The following CCDC77 variants were observed in gnomAD, a reference collection of about 807,000 sequenced individuals.
The protein encoded by CCDC77 is coiled-coil domain containing 77.
A neutral mutation model predicts 66.8 loss-of-function variants in CCDC77; 56 were observed. The ratio of observed to expected loss-of-function variants is 0.84; its 90% CI spans 0.68 to 1.05. The LOEUF (loss-of-function observed/expected upper bound fraction) is 1.05, where lower values mean the gene tolerates loss of function less well. Ranked by LOEUF, CCDC77 falls within the 50% of genes least tolerant of loss-of-function variation. The probability of loss-of-function intolerance (pLI) is 0.00; values close to 1 mark genes in which losing one functional copy is unlikely to be tolerated. For synonymous variants in CCDC77, 196 were observed against 195.2 expected, an observed-to-expected ratio of 1.00 and a Z score of -0.03; for missense variants, 570 against 576.8, an observed-to-expected ratio of 0.99 and a Z score of 0.12.
intron 5 of CCDC77, among the ~76,000 whole-genome samples, chr12:425,228 G>T (rs79434986): frequency 7.4e-5 from 11 of 149,424 alleles, no homozygotes. Context: ...ACCGCACCCA[G>T]CCTCGCCACG....
chr12:392,746 C>CAA (rs753652065), intron 1 of CCDC77, among the ~76,000 whole-genome samples: 4 of 143,482 alleles, frequency 2.8e-5, no homozygotes, highest in African/African-American at 7.5e-5. Flanking sequence ...CTCTGTCTCA[C>CAA]AAAAAAAAAA....
upstream of CCDC77, among the ~76,000 whole-genome samples, chr12:397,145 G>A (rs375745818): frequency 3.1e-4 from 47 of 152,076 alleles, no homozygotes; most frequent in East Asian, 9.7e-4. Flanking sequence ...AGGCTGAGGC[G>A]GGTGGATCAC....
At chr12:415,875 G>A (rs566370105) in intron 4 of CCDC77, among the ~76,000 whole-genome samples, 30 of 151,564 alleles carry the variant, frequency 2.0e-4, no homozygotes, top group African/African-American at 7.0e-4. Context: ...GCACAATCTC[G>A]GCTCACTACA....
chr12:436,976 A>G (rs954626048), intron 9 of CCDC77, among the ~76,000 whole-genome samples: 2 of 152,220 alleles, frequency 1.3e-5, no homozygotes, highest in African/African-American at 2.4e-5. Flanking sequence ...CTACATACAC[A>G]TGCACACATA....
chr12:408,068 T>C (rs950879546), intron 2 of CCDC77, among the ~76,000 whole-genome samples: 1 of 152,178 alleles, frequency 6.6e-6, no homozygotes, highest in Non-Finnish European at 1.5e-5. Flanking sequence ...ATTACAGGCA[T>C]GAGCCACCGC....
chr12:419,531 G>A (rs61919600), intron 5 of CCDC77, among the ~76,000 whole-genome samples: 7 of 30,796 alleles, frequency 2.3e-4, no homozygotes, highest in Admixed American at 4.1e-4. Flanking sequence ...GAGTGAGAGG[G>A]TAAACACACA....
chr12:442,067 C>A lies in CCDC77; in HGVS notation c.*147C>A. The A allele has an allele frequency of 1.2e-6, 1 of 831,468 alleles. No individual in the cohort carries two copies. Among genetic ancestry groups the A allele is most frequent in the Non-Finnish European group, 1.9e-6 (1 of 528,340 alleles). 51.5% of individuals were successfully genotyped at this position (831,468 alleles called of 1,614,324 possible). Reference sequence around the variant, plus strand: ...TAAAGACAGCTTGAAGAATCGGGGACCACTAGGAAAGCTTTTCTTGCATAC... The same window carrying A: ...TAAAGACAGCTTGAAGAATCGGGGAACACTAGGAAAGCTTTTCTTGCATAC... On this transcript the variant is annotated 3_prime_UTR_variant, in exon 13 of 13. Transcript: ENST00000239830.
At position 423,308 on chromosome 12, in the gene CCDC77, A is replaced by ATATAT. The variant is rs1555145531; in HGVS notation, c.413+4673_413+4674insATATT. Among the ~76,000 whole-genome samples the ATATAT allele has an allele frequency of 4.6e-5, 6 of 130,706 alleles. No homozygotes were observed. In the East Asian group the frequency reaches 6.5e-4, roughly 14 times the overall value. The allele number at this position is 130,706 out of a possible 152,430, so 85.7% of individuals were successfully genotyped here. The stretch of plus-strand genomic sequence containing the variant: ...CCAGCTAATTTTTATATATATATAT[A>ATATAT]TTTTTTTTTTTTGTGGAGACAAGGT... On this transcript the variant is annotated intron_variant, in intron 5 of 12. Coordinates refer to ENST00000239830, the MANE Select transcript of CCDC77 (RefSeq NM_032358.4).
At chr12:402,210 T>A (rs1944909618) in intron 1 of CCDC77, among the ~76,000 whole-genome samples, 1 of 152,202 alleles carries the variant, frequency 6.6e-6, no homozygotes, top group South Asian at 2.1e-4. Flanking sequence ...AATTTACCTA[T>A]AAACAAAGGC....
At chr12:423,479 G>GTTTTTT (rs1289177296) in intron 5 of CCDC77, among the ~76,000 whole-genome samples, 7 of 21,232 alleles carry the variant, frequency 3.3e-4, no homozygotes, top group African/African-American at 1.1e-3. Context: ...TGTTTTTTGT[G>GTTTTTT]TTTTTTTTTG....
chr12:406,834 C>T (rs1307572925), intron 2 of CCDC77, among the ~76,000 whole-genome samples: 1 of 152,208 alleles, frequency 6.6e-6, no homozygotes, highest in Non-Finnish European at 1.5e-5. Context: ...GTCTTCCCAG[C>T]CACTCGGGAG....
In CCDC77 at chr12:441,891, G is replaced by A; in HGVS notation, c.1438G>A (p.Gly480Ser). ...GAAGAATCTTAAGTCGAAAGTGTTT[G>A]GTCTGGAGAATGAACTTAGACTCTG... is the stretch of plus-strand genomic sequence containing the variant. Reference protein sequence around the residue: ...ELKNLKSKVFGLENELRLC With the variant: ...ELKNLKSKVFSLENELRLC Residue 480 changes from glycine to serine, a missense_variant, in exon 13 of 13, where the codon GGT becomes AGT. Physicochemically the swap from Gly to Ser is moderately conservative, Grantham distance 56. Coordinates refer to ENST00000239830, the MANE Select transcript of CCDC77 (RefSeq NM_032358.4). 6.2e-7 allele frequency: 1 copy of A among 1,613,988 alleles called. No homozygotes were observed. The highest frequency in any genetic ancestry group is 8.5e-7 in the Non-Finnish European group (1 of 1,179,986).
chr12:396,840 A>G (rs1190695363), upstream of CCDC77, among the ~76,000 whole-genome samples: 5 of 152,188 alleles, frequency 3.3e-5, no homozygotes, highest in Non-Finnish European at 7.3e-5. Context: ...ATGCCATACT[A>G]CTGTCTGAAC....
At chr12:418,824 G>T in intron 5 of CCDC77, 188 bp downstream of exon 5, 1 of 583,086 alleles carries the variant, frequency 1.7e-6, no homozygotes, top group African/African-American at 1.9e-5. Context: ...TCAGCCTCTC[G>T]AGTAGCTGGG....
intron 9 of CCDC77, among the ~76,000 whole-genome samples, chr12:437,006 CT>C (rs1276220924): frequency 1.3e-5 from 2 of 152,172 alleles, no homozygotes; most frequent in African/African-American, 4.8e-5. Flanking sequence ...ATATATTCAC[CT>C]TGTGACATTT....
chr12:412,085 T>C, intron 4 of CCDC77, 107 bp downstream of exon 4: 1 of 820,934 alleles, frequency 1.2e-6, no homozygotes. Context: ...ATAAAAATAC[T>C]CCTTTTTTAT....
intron 3 of CCDC77, 116 bp downstream of exon 3, chr12:409,537 A>T: frequency 1.0e-6 from 1 of 984,510 alleles, no homozygotes; most frequent in Non-Finnish European, 1.6e-6. Flanking sequence ...TTTTTCTTTG[A>T]GACAGAGTTT....
At chr12:389,548 A>ACGGGGCGAGGCGAGGCGGGGCGAGG in intron 1 of CCDC77, 1 of 24,292 alleles carries the variant, frequency 4.1e-5, no homozygotes, top group Non-Finnish European at 7.9e-5. Flanking sequence ...AGGGAAGCCG[A>ACGGGGCGAGGCGAGGCGGGGCGAGG]CGGGGCGAGG....
intron 2 of CCDC77, among the ~76,000 whole-genome samples, chr12:407,013 C>G (rs1205595336): frequency 6.6e-6 from 1 of 152,134 alleles, no homozygotes; most frequent in Non-Finnish European, 1.5e-5. Flanking sequence ...CAACAGATAG[C>G]AGTGGGTTGG....
Sources: gnomAD v4.1 joint callset for allele counts (sites outside exome capture counted in the v4.1 genomes callset) on GRCh38, gnomAD v4.1.1 for gene constraint, MANE v1.5 for transcripts, NCBI Gene and HGNC (gene_info 2026-07-23, HGNC 2026-07-21) for gene names.